The following FMNL2 variants were observed in gnomAD, a reference collection of about 807,000 sequenced individuals.
The protein encoded by FMNL2 is formin-like protein 2.
In FMNL2, 51 loss-of-function variants were observed where a neutral mutation model predicts 130.2. The observed-to-expected ratio is 0.39, with a 90% CI of 0.31 to 0.49. The LOEUF (loss-of-function observed/expected upper bound fraction) is 0.49. FMNL2 is among the 20% of genes least tolerant of loss of function. FMNL2 has a pLI of 0.85. For synonymous variants in FMNL2, 465 were observed against 467.1 expected, an observed-to-expected ratio of 1.00 and a Z score of 0.06; for missense variants, 977 against 1,316.2, an observed-to-expected ratio of 0.74 and a Z score of 3.99.
At chr2:152,424,726 C>T (rs969418308) in intron 1 of FMNL2, among the ~76,000 whole-genome samples, 2 of 152,124 alleles carry the variant, frequency 1.3e-5, no homozygotes, top group Non-Finnish European at 2.9e-5. Context: ...AGTTATGCCC[C>T]TCCATTTGCT....
chr2:152,547,764 G>C (rs1287167864), intron 3 of FMNL2, among the ~76,000 whole-genome samples: 1 of 152,180 alleles, frequency 6.6e-6, no homozygotes, highest in Non-Finnish European at 1.5e-5. Context: ...CAGCAGAGGA[G>C]AGAGGTCCTT....
intron 9 of FMNL2, among the ~76,000 whole-genome samples, chr2:152,590,980 C>CTTTTTTTTTTTT (rs1158391663): frequency 4.6e-4 from 30 of 65,792 alleles, no homozygotes; most frequent in South Asian, 1.3e-3. Context: ...CCTCTGATAA[C>CTTTTTTTTTTTT]TTTTTTTTTT....
At chr2:152,568,824 A>G (rs1696008450) in intron 6 of FMNL2, among the ~76,000 whole-genome samples, 2 of 152,168 alleles carry the variant, frequency 1.3e-5, no homozygotes, top group South Asian at 4.1e-4. Flanking sequence ...CCCTCCCACG[A>G]TACATGGGGA....
intron 9 of FMNL2, among the ~76,000 whole-genome samples, chr2:152,601,288 TTTC>T (rs1334948004): frequency 1.4e-5 from 2 of 140,218 alleles, no homozygotes; most frequent in African/African-American, 5.4e-5. Flanking sequence ...CTTTCTTTCT[TTTC>T]TTTTCTTTTT....
At chr2:152,644,814 C>T (rs1157321066) in intron 25 of FMNL2, among the ~76,000 whole-genome samples, 5 of 152,122 alleles carry the variant, frequency 3.3e-5, no homozygotes, top group Non-Finnish European at 7.3e-5. Flanking sequence ...TTGGAAAATG[C>T]CACTGTTTTT....
At chr2:152,443,584 T>G (rs1272231393) in intron 1 of FMNL2, among the ~76,000 whole-genome samples, 1 of 152,168 alleles carries the variant, frequency 6.6e-6, no homozygotes, top group Non-Finnish European at 1.5e-5. Context: ...GGCTCACGCC[T>G]ATAATCCTAG....
At chr2:152,582,685 C>T (rs1696860089) in intron 9 of FMNL2, among the ~76,000 whole-genome samples, 1 of 152,042 alleles carries the variant, frequency 6.6e-6, no homozygotes, top group Non-Finnish European at 1.5e-5. Context: ...ATAAATTTTA[C>T]ATTTATAAAT....
chr2:152,587,738 G>A (rs899623520), intron 9 of FMNL2, among the ~76,000 whole-genome samples: 2 of 152,100 alleles, frequency 1.3e-5, no homozygotes, highest in Admixed American at 1.3e-4. Flanking sequence ...GATTGTTAAG[G>A]GATGAGTCAT....
chr2:152,630,963 C>A (rs1187483792), intron 20 of FMNL2, among the ~76,000 whole-genome samples: 1 of 152,134 alleles, frequency 6.6e-6, no homozygotes, highest in Non-Finnish European at 1.5e-5. Flanking sequence ...TGATCCAAGA[C>A]CCCCAGTGGA....
chr2:152,537,712 C>A (rs1025713358), intron 2 of FMNL2, among the ~76,000 whole-genome samples: 2 of 152,160 alleles, frequency 1.3e-5, no homozygotes, highest in African/African-American at 4.8e-5. Flanking sequence ...TATTCTTTTA[C>A]ATACTGGGAC....
At chr2:152,470,895 G>A (rs1689824096) in intron 1 of FMNL2, among the ~76,000 whole-genome samples, 1 of 152,198 alleles carries the variant, frequency 6.6e-6, no homozygotes, top group Non-Finnish European at 1.5e-5. Context: ...TTGAAAGTGG[G>A]AGCAGAGCAG....
chr2:152,542,883 A>C (rs1037669848), intron 3 of FMNL2, 64 bp downstream of exon 3: 104 of 1,548,456 alleles, frequency 6.7e-5, no homozygotes, highest in Middle Eastern at 3.4e-4. Context: ...ATCCTCCTGC[A>C]TTGGAAGAGA....
At chr2:152,406,265 A>C (rs1332959150) in intron 1 of FMNL2, among the ~76,000 whole-genome samples, 2 of 152,194 alleles carry the variant, frequency 1.3e-5, no homozygotes, top group African/African-American at 2.4e-5. Flanking sequence ...TTTCTTGTCA[A>C]AGAGGGAACT....
chr2:152,366,428 T>TA (rs1683551176), intron 1 of FMNL2, among the ~76,000 whole-genome samples: 1 of 148,226 alleles, frequency 6.7e-6, no homozygotes, highest in Non-Finnish European at 1.5e-5. Flanking sequence ...CCCTAAAACT[T>TA]AAAGTATAAT....
chr2:152,626,827 C>A, intron 17 of FMNL2, 100 bp downstream of exon 17: 3 of 1,268,658 alleles, frequency 2.4e-6, no homozygotes, highest in Non-Finnish European at 3.2e-6. Context: ...TGAGACAAGA[C>A]CTAAGATAAA....
chr2:152,437,615 A>G (rs1558863278), intron 1 of FMNL2, among the ~76,000 whole-genome samples: 1 of 152,098 alleles, frequency 6.6e-6, no homozygotes, highest in Non-Finnish European at 1.5e-5. Context: ...TTTACAGTCT[A>G]TCAGTTTGTG....
chr2:152,647,084 TAGAGC>T, intron 25 of FMNL2, among the ~76,000 whole-genome samples: 1 of 150,374 alleles, frequency 6.7e-6, no homozygotes, highest in South Asian at 2.1e-4. Flanking sequence ...TATTGGGTGG[TAGAGC>T]TCGGTAGTCC....
chr2:152,593,902 T>TGA lies in FMNL2; in HGVS notation c.876+12877_876+12878dup, dbSNP rs143746034. ...GTGTGTGTGTGTGTGTGTGTGTGTG[T>TGA]GAGAGAGAGAGAGAGAGAGAGAGAG... On this transcript the variant is annotated intron_variant, in intron 9 of 25. Transcript: ENST00000288670. 1.9e-3 allele frequency among the ~76,000 whole-genome samples: 154 copies of TGA among 81,606 alleles called. 1 individual carries two copies. Among genetic ancestry groups the TGA allele is most frequent in the East Asian group, 3.8e-3 (10 of 2,658 alleles). The allele number at this position is 81,606 out of a possible 152,430, so 53.5% of individuals were successfully genotyped here.
intron 1 of FMNL2, among the ~76,000 whole-genome samples, chr2:152,478,250 ATTT>A (rs869219736): frequency 0.089 from 8,166 of 91,632 alleles, 416 homozygotes; most frequent in East Asian, 0.24. Flanking sequence ...ATATATATAT[ATTT>A]TTTTTTTTTT....
Sources: gnomAD v4.1 joint callset for allele counts (sites outside exome capture counted in the v4.1 genomes callset) on GRCh38, gnomAD v4.1.1 for gene constraint, MANE v1.5 for transcripts, NCBI Gene and HGNC (gene_info 2026-07-23, HGNC 2026-07-21) for gene names.